The following PDGFRA variants were observed in gnomAD, a reference collection of about 807,000 sequenced individuals.
PDGFRA encodes platelet derived growth factor receptor alpha.
A neutral mutation model predicts 121.5 loss-of-function variants in PDGFRA; 25 were observed. The ratio of observed to expected loss-of-function variants is 0.21; its 90% CI spans 0.15 to 0.29. PDGFRA has a LOEUF of 0.29. Ranked by LOEUF, PDGFRA falls within the 10% of genes least tolerant of loss-of-function variation. The pLI is 1.00. For missense variants in PDGFRA, 1,008 were observed against 1,345.1 expected, an observed-to-expected ratio of 0.75 and a Z score of 3.92; for synonymous variants, 463 against 494.8, an observed-to-expected ratio of 0.94 and a Z score of 0.85.
chr4:54,295,212 C>T lies in PDGFRA; in HGVS notation c.3210C>T (p.Ile1070=), dbSNP rs149498489. Residue 1070 remains isoleucine, a synonymous_variant, in exon 23 of 23, where the codon ATC becomes ATT. Transcript: ENST00000257290. ...IKREDETIED[I]DMMDDIGIDS... ...GAGAGGACGAGACCATTGAAGACATCGACATGATGGATGACATCGGCATAG... is the reference window on the plus strand; with the variant it reads ...GAGAGGACGAGACCATTGAAGACATTGACATGATGGATGACATCGGCATAG... The T allele has an allele frequency of 5.6e-6, 9 of 1,613,574 alleles. No homozygotes were observed. The highest frequency in any genetic ancestry group is 4.0e-5 in the African/African-American group (3 of 74,908).
At chr4:54,254,792 C>G (rs1290051096) in intron 1 of PDGFRA, among the ~76,000 whole-genome samples, 2 of 152,156 alleles carry the variant, frequency 1.3e-5, no homozygotes, top group Non-Finnish European at 2.9e-5. Flanking sequence ...GTGCCTAACA[C>G]CAGCCCTGCA....
In PDGFRA at chr4:54,290,387, C is replaced by T. The variant is rs761412533; in HGVS notation, c.2955C>T (p.Asp985=). ...PAVARMRVDS[D]NAYIGVTYKN... is the part of the protein sequence containing the mutation. Reference sequence around the variant, plus strand: ...TGGCACGCATGCGTGTGGACTCAGACAATGCATACATTGGTGTCACCTACA... The same window carrying T: ...TGGCACGCATGCGTGTGGACTCAGATAATGCATACATTGGTGTCACCTACA... Residue 985 remains aspartate, a synonymous_variant, in exon 22 of 23, where the codon GAC becomes GAT. Coordinates refer to ENST00000257290, the MANE Select transcript of PDGFRA (RefSeq NM_006206.6). The T allele has an allele frequency of 3.1e-6, 5 of 1,613,052 alleles. No individual in the cohort carries two copies. Among genetic ancestry groups the T allele is most frequent in the Non-Finnish European group, 4.2e-6 (5 of 1,179,090 alleles).
chr4:54,234,345 C>T (rs1203280784), intron 1 of PDGFRA, among the ~76,000 whole-genome samples: 1 of 152,198 alleles, frequency 6.6e-6, no homozygotes, highest in Non-Finnish European at 1.5e-5. Context: ...TGGAAATTAA[C>T]ATTTGGGGTA....
rs1446665217 is a variant in PDGFRA at position 54,284,553 on chromosome 4, T to TGAGA, written c.2324-811_2324-808dup. Among the ~76,000 whole-genome samples the TGAGA allele has an allele frequency of 2.4e-3, 172 of 72,958 alleles. 3 individuals are homozygous for TGAGA. Among genetic ancestry groups the TGAGA allele is most frequent in the African/African-American group, 7.5e-3 (160 of 21,436 alleles). The allele number at this position is 72,958 out of a possible 152,430, so 47.9% of individuals were successfully genotyped here. ...ATCACATGGCCAGAGCAGGAGCAAG[T>TGAGA]GAGAGAGAGACAGAGAGAGAGAGAG... On this transcript the variant is annotated intron_variant, in intron 16 of 22. Transcript: ENST00000257290.
At chr4:54,285,138 C>T in intron 16 of PDGFRA, among the ~76,000 whole-genome samples, 1 of 151,980 alleles carries the variant, frequency 6.6e-6, no homozygotes, top group Non-Finnish European at 1.5e-5. Flanking sequence ...TCAGGCAATC[C>T]ACCCACCTCG....
At chr4:54,287,661 G>A in intron 19 of PDGFRA, 120 bp downstream of exon 19, 1 of 725,154 alleles carries the variant, frequency 1.4e-6, no homozygotes, top group East Asian at 2.6e-5. Context: ...AGGCCAGTAT[G>A]CTGCAGCCAC....
chr4:54,245,953 A>T (rs1721632046), intron 1 of PDGFRA, among the ~76,000 whole-genome samples: 1 of 152,112 alleles, frequency 6.6e-6, no homozygotes, highest in South Asian at 2.1e-4. Flanking sequence ...AACAAAGATC[A>T]AAAGAGACAA....
intron 1 of PDGFRA, among the ~76,000 whole-genome samples, chr4:54,250,380 TC>T (rs1721985525): frequency 6.6e-6 from 1 of 152,202 alleles, no homozygotes; most frequent in Non-Finnish European, 1.5e-5. Context: ...AGATATTAGG[TC>T]CCCTAAAGTC....
intron 1 of PDGFRA, among the ~76,000 whole-genome samples, chr4:54,257,110 A>G (rs1722417960): frequency 6.6e-6 from 1 of 152,220 alleles, no homozygotes; most frequent in Non-Finnish European, 1.5e-5. Context: ...ACGGTGATGA[A>G]AGTGACCTCT....
intron 17 of PDGFRA, 32 bp from the exon 18 acceptor site, chr4:54,285,809 G>C (rs1724326957): frequency 1.2e-6 from 2 of 1,612,810 alleles, no homozygotes; most frequent in African/African-American, 2.7e-5. Flanking sequence ...CAGATGGCTT[G>C]ATCCTGAGTC....
chr4:54,239,151 C>A (rs987504032), intron 1 of PDGFRA, among the ~76,000 whole-genome samples: 3 of 152,164 alleles, frequency 2.0e-5, no homozygotes, highest in Non-Finnish European at 2.9e-5. Flanking sequence ...AGTGCCATGG[C>A]AGTTTACAAA....
chr4:54,254,475 T>G (rs145066887), intron 1 of PDGFRA, among the ~76,000 whole-genome samples: 345 of 152,340 alleles, frequency 2.3e-3, no homozygotes, highest in African/African-American at 7.8e-3. Context: ...CATGTCTGGA[T>G]GCACACAGGG....
intron 19 of PDGFRA, among the ~76,000 whole-genome samples, 173 bp downstream of exon 19, chr4:54,287,714 A>G (rs559423614): frequency 6.6e-6 from 1 of 152,280 alleles, no homozygotes; most frequent in African/African-American, 2.4e-5. Flanking sequence ...AGATAGGCCC[A>G]TGCAGGTGGA....
chr4:54,246,553 A>G (rs182649800), intron 1 of PDGFRA, among the ~76,000 whole-genome samples: 2,176 of 152,284 alleles, frequency 0.014, 59 homozygotes, highest in African/African-American at 0.05. Flanking sequence ...AATCTCTGGG[A>G]CACATTCAAA....
intron 15 of PDGFRA, chr4:54,278,887 C>T: frequency 2.1e-6 from 1 of 470,846 alleles, no homozygotes. Flanking sequence ...GCTCGAGGTC[C>T]TTGCTGAACC....
Position 54,295,341 on chromosome 4 carries a change from T to A in PDGFRA, c.*69T>A. On this transcript the variant is annotated 3_prime_UTR_variant, in exon 23 of 23. Transcript: ENST00000257290. ...GGATCCCGTTCAGAAAACCACTTTATTGCAATGCAGAGGTTGAGAGGAGGA... is the reference window on the plus strand; with the variant it reads ...GGATCCCGTTCAGAAAACCACTTTAATGCAATGCAGAGGTTGAGAGGAGGA... 6.6e-7 allele frequency: 1 copy of A among 1,509,784 alleles called. No homozygotes were observed. Among genetic ancestry groups the A allele is most frequent in the Non-Finnish European group, 9.2e-7 (1 of 1,086,546 alleles). The allele number at this position is 1,509,784 out of a possible 1,614,324, so 93.5% of individuals were successfully genotyped here.
In PDGFRA at chr4:54,271,997, TC is replaced by T. The variant is rs796419512; in HGVS notation, c.1238-390del. Among the ~76,000 whole-genome samples, 28 of 15,358 alleles carry T rather than the reference TC, an allele frequency of 1.8e-3. 1 individual carries two copies. Among genetic ancestry groups the T allele is most frequent in the African/African-American group, 5.4e-3 (13 of 2,390 alleles). The allele number at this position is 15,358 out of a possible 152,430, so 10.1% of individuals were successfully genotyped here. A position where few individuals can be genotyped will look rare whatever the true frequency, so the allele number is the denominator to read the frequency against. On this transcript the variant is annotated intron_variant, in intron 8 of 22. Transcript: ENST00000257290. ...CCTCCCCTCCCCCTCCCCTCCCCCCTCCCCCCCTCCCCTCCCCTTCCCTTCC... is the reference window on the plus strand; with the variant it reads ...CCTCCCCTCCCCCTCCCCTCCCCCCTCCCCCCTCCCCTCCCCTTCCCTTCC...
intron 5 of PDGFRA, chr4:54,265,465 C>T (rs897617746): frequency 4.4e-5 from 12 of 272,850 alleles, no homozygotes; most frequent in African/African-American, 1.7e-4. Context: ...GTTGATTGCC[C>T]GCACCCCTTC....
chr4:54,236,173 G>T (rs1577669250), intron 1 of PDGFRA, among the ~76,000 whole-genome samples: 1 of 152,380 alleles, frequency 6.6e-6, no homozygotes, highest in East Asian at 1.9e-4. Context: ...TTGAAGAAAA[G>T]ATTTGGGTGA....
Sources: allele counts gnomAD v4.1 joint callset (sites outside exome capture counted in the v4.1 genomes callset), GRCh38; gene constraint gnomAD v4.1.1; transcripts MANE v1.5; gene names NCBI Gene and HGNC (gene_info 2026-07-23, HGNC 2026-07-21).